The following NOTCH3 variants were observed in gnomAD, a reference collection of about 807,000 sequenced individuals.
NOTCH3 encodes notch receptor 3.
NOTCH3 carries 86 observed loss-of-function variants against 213.3 expected under a neutral mutation model. The ratio of observed to expected loss-of-function variants is 0.40; its 90% CI spans 0.34 to 0.48. NOTCH3 has a LOEUF of 0.48. NOTCH3 is among the 20% of genes least tolerant of loss of function. NOTCH3 has a pLI of 0.57. For synonymous variants in NOTCH3, 1,354 were observed against 1,355.9 expected, an observed-to-expected ratio of 1.00 and a Z score of 0.03; for missense variants, 2,783 against 3,272.6, an observed-to-expected ratio of 0.85 and a Z score of 3.65.
intron 28 of NOTCH3, 42 bp downstream of exon 28, chr19:15,170,044 A>AG (rs1159586440): frequency 8.9e-7 from 1 of 1,127,722 alleles, no homozygotes. Flanking sequence ...CCCTGAGGGG[A>AG]GGGGTCAGAG....
In NOTCH3 at chr19:15,193,785, AAC is replaced by A. The variant is rs1568362659; in HGVS notation, c.198-1268_198-1267del. ...GACTCCATCTCAAAAAAAAACAAAA[AAC>A]AAAAAAAACAAACAGGCCAGGCGCA... On this transcript the variant is annotated intron_variant, in intron 2 of 32. Transcript: ENST00000263388. 2.5e-4 allele frequency among the ~76,000 whole-genome samples: 34 copies of A among 135,222 alleles called. 2 individuals are homozygous for A. The highest frequency in any genetic ancestry group is 8.3e-4 in the African/African-American group (28 of 33,714). 88.7% of individuals were successfully genotyped at this position (135,222 alleles called of 152,430 possible). A position where few individuals can be genotyped will look rare whatever the true frequency, so the allele number is the denominator to read the frequency against.
Position 15,179,098 on chromosome 19 carries a change from G to C in NOTCH3, c.3645C>G (p.His1215Gln), listed in dbSNP as rs773203358. ...GCAGGCAGTCCCGGGTGTGTGCCGC[G>C]TGGCAGGCACCTGAGCGACACTCAT... ...DINECRSGACHAAHTRDCLQD... is the reference protein window; with the variant it reads ...DINECRSGACQAAHTRDCLQD... Residue 1215 changes from histidine (H) to glutamine (Q), a missense_variant, in exon 22 of 33, where the codon CAC becomes CAG. This residue lies in a region of NOTCH3 where 861 missense variants were observed against 909.1 expected (regional missense o/e 0.95). Transcript: ENST00000263388. 3.1e-5 allele frequency: 50 copies of C among 1,614,202 alleles called. No homozygotes were observed. Among genetic ancestry groups the C allele is most frequent in the Non-Finnish European group, 4.2e-5 (50 of 1,180,030 alleles).
intron 27 of NOTCH3, 27 bp downstream of exon 27, chr19:15,170,304 G>C: frequency 6.2e-7 from 1 of 1,601,606 alleles, no homozygotes; most frequent in Non-Finnish European, 8.5e-7. Flanking sequence ...CCCGTAGTCA[G>C]GGACAGGGAG....
At chr19:15,197,965 G>A (rs892368789) in intron 1 of NOTCH3, among the ~76,000 whole-genome samples, 2 of 152,146 alleles carry the variant, frequency 1.3e-5, no homozygotes, top group Non-Finnish European at 2.9e-5. Flanking sequence ...CAGGTTCAGG[G>A]GTAATAGAAG....
intron 19 of NOTCH3, 99 bp from the exon 20 acceptor site, chr19:15,180,355 C>G: frequency 6.1e-6 from 8 of 1,318,528 alleles, no homozygotes; most frequent in Non-Finnish European, 8.5e-6. Flanking sequence ...GGAATGAGTC[C>G]CCAGGATCGC....
rs1410616982 is a variant in NOTCH3, at chr19:15,165,734, G to GT, written c.5667+52dup. On this transcript the variant is annotated intron_variant, in intron 30 of 32. Transcript: ENST00000263388. The surrounding 1 kb of genome is among the most constrained non-coding windows in gnomAD (Gnocchi z 4.7). ...AGGCAGAACTGGGGCTCAAACCCAG[G>GT]TAAGTCTAATGCCTGCCCCAGCTCT... The GT allele has an allele frequency of 6.9e-6, 11 of 1,587,482 alleles. No individual in the cohort carries two copies. The highest frequency in any genetic ancestry group is 9.4e-6 in the Non-Finnish European group (11 of 1,166,960).
intron 31 of NOTCH3, among the ~76,000 whole-genome samples, chr19:15,163,761 T>C (rs2046663446): frequency 1.3e-5 from 2 of 151,938 alleles, no homozygotes; most frequent in African/African-American, 4.8e-5. Flanking sequence ...AGCCTGGGAG[T>C]TTGAGGCTGC....
In NOTCH3 at chr19:15,189,384, G is replaced by A. The variant is rs2046910513; in HGVS notation, c.1081C>T (p.His361Tyr). ...TTTGTGTCACAGATAGCATCCTCGT[G>A]GCAGGGGTTGCTGACACAGGCGTCA... ...LDDACVSNPC[H>Y]EDAICDTNPV... Residue 361 changes from histidine (H) to tyrosine (Y), a missense_variant, in exon 7 of 33, where the codon CAC becomes TAC. His to Tyr is a moderately conservative substitution (Grantham distance 83). This residue lies in a region of NOTCH3 where 708 missense variants were observed against 906.6 expected (regional missense o/e 0.78). Coordinates refer to ENST00000263388, the MANE Select transcript of NOTCH3 (RefSeq NM_000435.3). 1 of 1,613,800 alleles carries A rather than the reference G, an allele frequency of 6.2e-7. No individual in the cohort carries two copies. Among genetic ancestry groups the A allele is most frequent in the African/African-American group, 1.3e-5 (1 of 74,944 alleles).
intron 6 of NOTCH3, among the ~76,000 whole-genome samples, 189 bp from the exon 7 acceptor site, chr19:15,189,617 C>G (rs2046912739): frequency 6.6e-6 from 1 of 152,194 alleles, no homozygotes; most frequent in African/African-American, 2.4e-5. Context: ...CTCCCAGGTT[C>G]AAGCGATTCT....
chr19:15,161,525 C>A lies in NOTCH3; in HGVS notation c.6103G>T (p.Gly2035Cys), dbSNP rs762666964. ...DQPSGPRSPPGPHGLGPLLCP... is the reference protein window; with the variant it reads ...DQPSGPRSPPCPHGLGPLLCP... ...AGCAGAGGCCCCAGGCCGTGGGGAC[C>A]GGGGGGGCTGCGGGGCCCACTGGGT... The change falls in exon 33 of 33, where the codon GGT (glycine) becomes TGT (cysteine). Residue 2035 changes from glycine (G) to cysteine (C), a missense_variant. Gly to Cys is a radical substitution (Grantham distance 159). Transcript: ENST00000263388. 2 of 1,599,624 alleles carry A rather than the reference C, an allele frequency of 1.3e-6. No homozygotes were observed. Among genetic ancestry groups the A allele is most frequent in the Non-Finnish European group, 1.7e-6 (2 of 1,173,342 alleles).
In NOTCH3 at chr19:15,177,702, C is replaced by T. The variant is rs1319894619; in HGVS notation, c.4226G>A (p.Gly1409Asp). 1 of 1,539,150 alleles carries T rather than the reference C, an allele frequency of 6.5e-7. No homozygotes were observed. Among genetic ancestry groups the T allele is most frequent in the Non-Finnish European group, 8.7e-7 (1 of 1,149,824 alleles). The change falls in exon 24 of 33, where the codon GGC becomes GAC. Residue 1409 changes from glycine to aspartate, a missense_variant. By Grantham distance (94) the Gly-to-Asp change is moderately conservative. Transcript: ENST00000263388. ...GCAGTCGCCGCCGTCCCAGCCGCAG[C>T]CTGGGCTGTTGCACTCGCGGTCGCA... The part of the protein sequence containing the change: ...QRCDRECNSP[G>D]CGWDGGDCSL...
In NOTCH3 at chr19:15,192,909, G is replaced by T. The variant is rs535445893; in HGVS notation, c.198-390C>A. 5.3e-5 allele frequency among the ~76,000 whole-genome samples: 8 copies of T among 151,606 alleles called. No homozygotes were observed. The South Asian group carries it at 1.7e-3, about 32-fold the overall frequency. On this transcript the variant is annotated intron_variant, in intron 2 of 32. Transcript: ENST00000263388. ...CAGCCTGGGTGACAGAGTAAGACTC[G>T]GTCTCAAAGAAACAAAACAAAACAA...
rs983183610 is a variant in NOTCH3, at chr19:15,175,584, T to C, written c.4404-1184A>G. Among the ~76,000 whole-genome samples, 47 of 29,156 alleles carry C rather than the reference T, an allele frequency of 1.6e-3. 1 individual carries two copies. In the East Asian group the frequency reaches 0.027, roughly 17 times the overall value. The allele number at this position is 29,156 out of a possible 152,430, so 19.1% of individuals were successfully genotyped here. ...ATATATATATATATATGTATATATA[T>C]GTATATACACACACACACACACACA... On this transcript the variant is annotated intron_variant, in intron 24 of 32. Transcript: ENST00000263388.
Position 15,185,732 on chromosome 19 carries a change from AG to A in NOTCH3, c.1952-54del. On this transcript the variant is annotated intron_variant, in intron 12 of 32. Transcript: ENST00000263388. The surrounding 1 kb of genome is among the most constrained non-coding windows in gnomAD (Gnocchi z 4.2). ...CAGAACAAAGTCAGCAGGGACAACC[AG>A]GGAGGGACGACGTGACCCCACTTAG... 1.3e-6 allele frequency: 2 copies of A among 1,588,514 alleles called. No individual in the cohort carries two copies. The highest frequency in any genetic ancestry group is 8.6e-7 in the Non-Finnish European group (1 of 1,162,476).
At chr19:15,191,381 T>G (rs777557074) in intron 6 of NOTCH3, 43 bp downstream of exon 6, 3 of 1,559,424 alleles carry the variant, frequency 1.9e-6, no homozygotes, top group Non-Finnish European at 2.6e-6. Context: ...TTGCCCTCAC[T>G]AAAAACCATC....
rs2047006175 is a variant in NOTCH3, at chr19:15,200,764, A to G, written c.118+24T>C. ...ACTCCCCCTCTGCCGCCCTCGTCCC[A>G]TCCGCCAGGTCCCGGCCCCTCACCT... On this transcript the variant is annotated intron_variant, in intron 1 of 32. Coordinates refer to ENST00000263388, the MANE Select transcript of NOTCH3 (RefSeq NM_000435.3). 3.0e-5 allele frequency: 38 copies of G among 1,279,332 alleles called. No homozygotes were observed. In the East Asian group the frequency reaches 1.2e-3, roughly 39 times the overall value. 79.2% of individuals were successfully genotyped at this position (1,279,332 alleles called of 1,614,324 possible).
In NOTCH3 at chr19:15,161,083, C is replaced by G. The variant is rs1428201050; in HGVS notation, c.6545G>C (p.Gly2182Ala). 6.5e-7 allele frequency: 1 copy of G among 1,541,882 alleles called. No individual in the cohort carries two copies. Among genetic ancestry groups the G allele is most frequent in the Admixed American group, 1.9e-5 (1 of 51,302 alleles). ...WARLPPPAPP[G>A]PSFLLPLAPG... ...CGCCAGTGGCAGCAGGAACGAGGGG[C>G]CTGGAGGGGCAGGTGGGGGCAGCCG... Residue 2182 changes from glycine to alanine, a missense_variant, in exon 33 of 33, where the codon GGC becomes GCC. By Grantham distance (60) the Gly-to-Ala change is moderately conservative (BLOSUM62 0). Transcript: ENST00000263388.
Position 15,177,778 on chromosome 19 carries a change from C to G in NOTCH3, c.4150G>C (p.Glu1384Gln), listed in dbSNP as rs1184492475. 2 of 1,321,006 alleles carry G rather than the reference C, an allele frequency of 1.5e-6. No individual in the cohort carries two copies. Among genetic ancestry groups the G allele is most frequent in the African/African-American group, 3.1e-5 (2 of 64,474 alleles). The allele number at this position is 1,321,006 out of a possible 1,614,324, so 81.8% of individuals were successfully genotyped here. The change falls in exon 24 of 33, where the codon GAG (glutamate) becomes CAG (glutamine). Residue 1384 changes from glutamate (E) to glutamine (Q), a missense_variant. By Grantham distance (29) the Glu-to-Gln change is conservative (BLOSUM62 2). This residue lies in a region of NOTCH3 where 133 missense variants were observed against 201.9 expected (regional missense o/e 0.66). Coordinates refer to ENST00000263388, the MANE Select transcript of NOTCH3 (RefSeq NM_000435.3). ...CAGGCGGCGCGCGGGCACCGCGGCT[C>G]CTCCGAGACCTCGGGTGCCGCGGCG... ...APAAAPEVSE[E>Q]PRCPRAACQA...
rs1425060067 is a variant in NOTCH3, at chr19:15,165,393, A to G, written c.5790T>C (p.Ala1930=). 2 of 1,608,982 alleles carry G rather than the reference A, an allele frequency of 1.2e-6. No homozygotes were observed. Among genetic ancestry groups the G allele is most frequent in the Non-Finnish European group, 1.7e-6 (2 of 1,180,022 alleles). ...CAAGCTCATCCACAGCATTGACATCAGCATGGCTGGCGATGAGCTCTTCCA... is the reference window on the plus strand; with the variant it reads ...CAAGCTCATCCACAGCATTGACATCGGCATGGCTGGCGATGAGCTCTTCCA... The part of the protein sequence containing the change: ...GMVEELIASH[A]DVNAVDELGK... The change falls in exon 31 of 33, where the codon GCT becomes GCC. Residue 1930 remains alanine, a synonymous_variant. Coordinates refer to ENST00000263388, the MANE Select transcript of NOTCH3 (RefSeq NM_000435.3). This position sits in a 1 kb window ranked among gnomAD's most constrained non-coding sequence, Gnocchi z 4.7.
Sources: allele counts gnomAD v4.1 joint callset (sites outside exome capture counted in the v4.1 genomes callset), GRCh38; gene constraint gnomAD v4.1.1; regional missense constraint gnomAD v4.1.1; non-coding constraint Gnocchi (gnomAD v3.1); transcripts MANE v1.5; gene names NCBI Gene and HGNC (gene_info 2026-07-23, HGNC 2026-07-21).